The following HECW1 variants were observed in gnomAD, a reference collection of about 807,000 sequenced individuals.
HECW1 encodes HECT, C2 and WW domain containing E3 ubiquitin protein ligase 1, also known as E3 ubiquitin-protein ligase HECW1.
Under a neutral mutation model 182.3 loss-of-function variants are expected in HECW1, and 61 were observed. The observed-to-expected ratio is 0.33, with a 90% CI of 0.27 to 0.41. HECW1 has a LOEUF of 0.41. HECW1 is among the 10% of genes least tolerant of loss of function. HECW1 has a pLI of 1.00. For missense variants in HECW1, 1,739 were observed against 2,108.9 expected (o/e 0.82, Z 3.44); for synonymous variants, 859 against 832.6 (o/e 1.03, Z -0.55).
In HECW1 at chr7:43,564,240, T is replaced by G. The variant is rs768694222; in HGVS notation, c.*2314T>G. ...CTTTTATCTTTAGAACTTGGTGTTA[T>G]ATATATGTAAATACTCATTAATTCA... is the stretch of plus-strand genomic sequence containing the variant. On this transcript the variant is annotated 3_prime_UTR_variant, in exon 30 of 30. Transcript: ENST00000395891. 4.2e-5 allele frequency: 8 copies of G among 191,162 alleles called. No homozygotes were observed. Among genetic ancestry groups the G allele is most frequent in the Non-Finnish European group, 8.8e-5 (8 of 91,112 alleles). The allele number at this position is 191,162 out of a possible 1,614,324, so 11.8% of individuals were successfully genotyped here.
At chr7:43,399,724 A>C (rs2075343450) in intron 7 of HECW1, among the ~76,000 whole-genome samples, 1 of 152,232 alleles carries the variant, frequency 6.6e-6, no homozygotes, top group African/African-American at 2.4e-5. Context: ...GGGTTGGTTC[A>C]TCTCCTGCAG....
At chr7:43,480,236 A>G (rs1476819511) in intron 17 of HECW1, among the ~76,000 whole-genome samples, 1 of 152,154 alleles carries the variant, frequency 6.6e-6, no homozygotes, top group Non-Finnish European at 1.5e-5. Context: ...CGCGCTCTAC[A>G]ATGTGCTCTT....
chr7:43,515,017 G>A (rs1386725947), intron 24 of HECW1, among the ~76,000 whole-genome samples: 1 of 152,168 alleles, frequency 6.6e-6, no homozygotes, highest in Non-Finnish European at 1.5e-5. Flanking sequence ...AATACAATGT[G>A]ACCAATGCTG....
intron 22 of HECW1, 34 bp from the exon 23 acceptor site, chr7:43,507,984 A>G (rs1335149495): frequency 2.7e-6 from 4 of 1,491,088 alleles, no homozygotes; most frequent in Non-Finnish European, 2.8e-6. Flanking sequence ...TCCTGACTTC[A>G]GGGCCACTGC....
intron 2 of HECW1, among the ~76,000 whole-genome samples, chr7:43,165,156 T>C (rs1411052055): frequency 1.3e-5 from 2 of 152,246 alleles, no homozygotes; most frequent in Non-Finnish European, 2.9e-5. Flanking sequence ...AAAGGGATTT[T>C]AATTTTCCCT....
At chr7:43,376,504 G>A (rs1281858904) in intron 6 of HECW1, among the ~76,000 whole-genome samples, 1 of 152,076 alleles carries the variant, frequency 6.6e-6, no homozygotes, top group Non-Finnish European at 1.5e-5. Context: ...ATTACATCCT[G>A]GTTTTTAAAT....
chr7:43,378,810 C>CAA (rs202007736), intron 6 of HECW1, among the ~76,000 whole-genome samples: 45 of 146,754 alleles, frequency 3.1e-4, no homozygotes, highest in East Asian at 1.2e-3. Flanking sequence ...TCTCAAAAAA[C>CAA]AAAAATAAAA....
At chr7:43,201,964 G>A (rs1419339147) in intron 2 of HECW1, among the ~76,000 whole-genome samples, 1 of 152,198 alleles carries the variant, frequency 6.6e-6, no homozygotes, top group African/African-American at 2.4e-5. Context: ...ATCTGTGAGA[G>A]CTTCAGAGAA....
At chr7:43,213,829 A>G (rs1264743344) in intron 2 of HECW1, among the ~76,000 whole-genome samples, 1 of 152,192 alleles carries the variant, frequency 6.6e-6, no homozygotes, top group African/African-American at 2.4e-5. Flanking sequence ...AAGACTTTAC[A>G]TCATAAATAG....
intron 5 of HECW1, among the ~76,000 whole-genome samples, chr7:43,331,053 G>A (rs1357841715): frequency 6.6e-6 from 1 of 151,878 alleles, no homozygotes; most frequent in African/African-American, 2.4e-5. Context: ...TGTTACATAC[G>A]TATACATGTG....
intron 29 of HECW1, among the ~76,000 whole-genome samples, chr7:43,558,434 T>C (rs2082101272): frequency 6.6e-6 from 1 of 152,084 alleles, no homozygotes; most frequent in Non-Finnish European, 1.5e-5. Context: ...CCTGGTTAAG[T>C]TAGTAGTTGG....
rs1042609117 is a variant in HECW1, at chr7:43,493,326, G to T, written c.3437+146G>T. 3 of 562,646 alleles carry T rather than the reference G, an allele frequency of 5.3e-6. No homozygotes were observed. In the East Asian group the frequency reaches 8.8e-5, roughly 16 times the overall value. The allele number at this position is 562,646 out of a possible 1,614,324, so 34.9% of individuals were successfully genotyped here. A position where few individuals can be genotyped will look rare whatever the true frequency, so the allele number is the denominator to read the frequency against. On this transcript the variant is annotated intron_variant, in intron 19 of 29. Coordinates refer to ENST00000395891, the MANE Select transcript of HECW1 (RefSeq NM_015052.5). ...GAGAACTTGAATCCTCAAGATGAAG[G>T]GTTCGGGGTTCCTGTATTCTGGGAA...
In HECW1 at chr7:43,379,351, C is replaced by T. The variant is rs73328024; in HGVS notation, c.556-17463C>T. ...GCCAGCCTGCCTGCACACACACTCCCATGCTGTGCCTCCTTCCAGTGACAA... is the reference window on the plus strand; with the variant it reads ...GCCAGCCTGCCTGCACACACACTCCTATGCTGTGCCTCCTTCCAGTGACAA... On this transcript the variant is annotated intron_variant, in intron 6 of 29. Transcript: ENST00000395891. Among the ~76,000 whole-genome samples, 699 of 152,322 alleles carry T rather than the reference C, an allele frequency of 4.6e-3. 5 individuals are homozygous for T. The highest frequency in any genetic ancestry group is 0.016 in the African/African-American group (661 of 41,566).
At chr7:43,399,825 G>A (rs998606373) in intron 7 of HECW1, among the ~76,000 whole-genome samples, 12 of 152,156 alleles carry the variant, frequency 7.9e-5, no homozygotes, top group Non-Finnish European at 1.3e-4. Context: ...AGTAGCTAGC[G>A]GAGCAAGCTT....
chr7:43,350,802 C>T (rs1814332755), intron 5 of HECW1, among the ~76,000 whole-genome samples: 1 of 152,204 alleles, frequency 6.6e-6, no homozygotes, highest in South Asian at 2.1e-4. Flanking sequence ...TTGCATTGGG[C>T]TTCGCCCTTC....
At chr7:43,275,726 A>G (rs1343647073) in intron 3 of HECW1, among the ~76,000 whole-genome samples, 1 of 151,894 alleles carries the variant, frequency 6.6e-6, no homozygotes, top group Non-Finnish European at 1.5e-5. Flanking sequence ...ACACACACAC[A>G]CACACTACCC....
At chr7:43,132,284 TG>T (rs11313461) in intron 2 of HECW1, among the ~76,000 whole-genome samples, 11,792 of 152,158 alleles carry the variant, frequency 0.077, 1,523 homozygotes, top group African/African-American at 0.27. Context: ...TAATTTTATT[TG>T]TGATGACCTA....
intron 5 of HECW1, among the ~76,000 whole-genome samples, chr7:43,326,151 G>A (rs536803548): frequency 1.3e-5 from 2 of 152,196 alleles, no homozygotes; most frequent in Non-Finnish European, 2.9e-5. Flanking sequence ...AGGGGCTGGG[G>A]TGCCCCTTCA....
intron 3 of HECW1, chr7:43,258,759 G>A (rs569216545): frequency 3.9e-5 from 6 of 152,286 alleles, no homozygotes; most frequent in East Asian, 1.9e-4. Flanking sequence ...TGGCCCTGTC[G>A]TTTTTGGTTG....
Sources: gnomAD v4.1 joint callset for allele counts (sites outside exome capture counted in the v4.1 genomes callset) on GRCh38, gnomAD v4.1.1 for gene constraint, MANE v1.5 for transcripts, NCBI Gene and HGNC (gene_info 2026-07-23, HGNC 2026-07-21) for gene names.